FREM2: variants seen among roughly 807,000 people sequenced by gnomAD.
FREM2 encodes FRAS1 related extracellular matrix 2.
Under a neutral mutation model 219.9 loss-of-function variants are expected in FREM2, and 119 were observed. The observed-to-expected ratio is 0.54, with a 90% CI of 0.47 to 0.63. The LOEUF is 0.63. Ranked by LOEUF, FREM2 falls within the 30% of genes least tolerant of loss-of-function variation. The probability of loss-of-function intolerance (pLI) is 0.00; values close to 1 mark genes in which losing one functional copy is unlikely to be tolerated. For missense variants in FREM2, 4,030 were observed against 3,993.6 expected (o/e 1.01, Z -0.25); for synonymous variants, 1,562 against 1,522.8 (o/e 1.03, Z -0.60).
chr13:38,755,844 T>G (rs1453507976), intron 2 of FREM2, among the ~76,000 whole-genome samples: 3 of 152,378 alleles, frequency 2.0e-5, no homozygotes, highest in African/African-American at 7.2e-5. Context: ...ATTCATTCCA[T>G]GCATATCACT....
At chr13:38,849,392 G>T (rs1877286407) in intron 8 of FREM2, among the ~76,000 whole-genome samples, 1 of 152,124 alleles carries the variant, frequency 6.6e-6, no homozygotes, top group Non-Finnish European at 1.5e-5. Flanking sequence ...CCACTTCACA[G>T]CACAAGACAC....
intron 2 of FREM2, among the ~76,000 whole-genome samples, chr13:38,704,505 G>A (rs943357683): frequency 6.6e-6 from 1 of 152,184 alleles, no homozygotes; most frequent in Non-Finnish European, 1.5e-5. Context: ...AAAAGCATGT[G>A]CAAAGGGACT....
Position 38,746,374 on chromosome 13 carries a change from G to A in FREM2, c.5264-17930G>A, listed in dbSNP as rs559372352. On this transcript the variant is annotated intron_variant, in intron 2 of 23. Coordinates refer to ENST00000280481, the MANE Select transcript of FREM2 (RefSeq NM_207361.6). ...CTAGGTGTGTTGAGTGTAAAGTGCAGTAAGGTTCGCTCAAGATTTTGCCAT... is the reference window on the plus strand; with the variant it reads ...CTAGGTGTGTTGAGTGTAAAGTGCAATAAGGTTCGCTCAAGATTTTGCCAT... Among the ~76,000 whole-genome samples, 8 of 152,280 alleles carry A rather than the reference G, an allele frequency of 5.3e-5. No homozygotes were observed. The South Asian group carries it at 1.7e-3, about 32-fold the overall frequency.
intron 2 of FREM2, among the ~76,000 whole-genome samples, chr13:38,701,737 G>A (rs1187723001): frequency 1.3e-5 from 2 of 151,828 alleles, no homozygotes; most frequent in Non-Finnish European, 2.9e-5. Flanking sequence ...TCAACACCAG[G>A]CTCAAATATC....
At chr13:38,798,074 A>G (rs148307800) in intron 6 of FREM2, among the ~76,000 whole-genome samples, 1 of 152,130 alleles carries the variant, frequency 6.6e-6, no homozygotes, top group Non-Finnish European at 1.5e-5. Context: ...AAAGGCTTTC[A>G]GCTTTTTCCT....
At chr13:38,848,964 T>C (rs1877268518) in intron 8 of FREM2, among the ~76,000 whole-genome samples, 1 of 152,096 alleles carries the variant, frequency 6.6e-6, no homozygotes, top group Admixed American at 6.6e-5. Flanking sequence ...CTAAGTCTCT[T>C]TGCATGGTGT....
chr13:38,802,545 A>G (rs890496310), intron 6 of FREM2, among the ~76,000 whole-genome samples: 1 of 152,198 alleles, frequency 6.6e-6, no homozygotes, highest in African/African-American at 2.4e-5. Flanking sequence ...ATTGCACCCC[A>G]GTCCCACAAC....
chr13:38,819,625 T>G (rs1161830631), intron 6 of FREM2, among the ~76,000 whole-genome samples: 1 of 152,152 alleles, frequency 6.6e-6, no homozygotes, highest in Non-Finnish European at 1.5e-5. Context: ...TGTCTTTATT[T>G]TTTAGGGCTT....
chr13:38,773,249 G>GT (rs1873738891), intron 4 of FREM2, among the ~76,000 whole-genome samples: 1 of 152,018 alleles, frequency 6.6e-6, no homozygotes, highest in African/African-American at 2.4e-5. Context: ...TGGATATACT[G>GT]TAATACCTCA....
intron 16 of FREM2, among the ~76,000 whole-genome samples, chr13:38,867,928 G>T (rs1878029635): frequency 6.6e-6 from 1 of 152,194 alleles, no homozygotes; most frequent in South Asian, 2.1e-4. Context: ...TCAAATGCCA[G>T]TCTTTTCTGG....
At chr13:38,867,425 TA>T (rs2137928643) in intron 16 of FREM2, among the ~76,000 whole-genome samples, 1 of 152,394 alleles carries the variant, frequency 6.6e-6, no homozygotes, top group East Asian at 1.9e-4. Context: ...CTAAAATCCT[TA>T]TTGTAAATTA....
Position 38,690,761 on chromosome 13 carries a change from A to G in FREM2, c.3417A>G (p.Lys1139=), listed in dbSNP as rs1394170464. 1.9e-6 allele frequency: 3 copies of G among 1,614,182 alleles called. No individual in the cohort carries two copies. In the Admixed American group the frequency reaches 5.0e-5, roughly 27 times the overall value. Reference sequence around the variant, plus strand: ...TTGCCATAAGTGCTTTCAACTTGAAAGATCTCAGGCAGGGCCACATAAACT... The same window carrying G: ...TTGCCATAAGTGCTTTCAACTTGAAGGATCTCAGGCAGGGCCACATAAACT... ...AGIAISAFNL[K]DLRQGHINYV... is the part of the protein sequence containing the mutation. The change falls in exon 1 of 24, where the codon AAA becomes AAG. Residue 1139 remains lysine, a synonymous_variant. Coordinates refer to ENST00000280481, the MANE Select transcript of FREM2 (RefSeq NM_207361.6).
At chr13:38,736,955 C>T (rs184651858) in intron 2 of FREM2, among the ~76,000 whole-genome samples, 57 of 151,934 alleles carry the variant, frequency 3.8e-4, no homozygotes, top group African/African-American at 1.3e-3. Context: ...GTCTCCCTGG[C>T]TCAAATGTTC....
At chr13:38,820,509 T>C (rs1354206298) in intron 6 of FREM2, among the ~76,000 whole-genome samples, 1 of 152,136 alleles carries the variant, frequency 6.6e-6, no homozygotes, top group African/African-American at 2.4e-5. Context: ...CACATAAATC[T>C]GAGAAGCAGC....
At chr13:38,793,157 A>G (rs1012199280) in intron 6 of FREM2, among the ~76,000 whole-genome samples, 2 of 152,224 alleles carry the variant, frequency 1.3e-5, no homozygotes, top group African/African-American at 4.8e-5. Context: ...GTGTGCCTGC[A>G]CATGGCTAGG....
chr13:38,784,909 A>G (rs1874267211), intron 6 of FREM2, 101 bp downstream of exon 6: 1 of 1,267,724 alleles, frequency 7.9e-7, no homozygotes. Context: ...ATGATAATAT[A>G]CACATTTATT....
chr13:38,774,144 T>C (rs1308155639), intron 4 of FREM2, among the ~76,000 whole-genome samples: 3 of 152,116 alleles, frequency 2.0e-5, no homozygotes, highest in Non-Finnish European at 2.9e-5. Flanking sequence ...TGTGACGTTG[T>C]TTTACTTATC....
chr13:38,691,950 G>A lies in FREM2; in HGVS notation c.4606G>A (p.Val1536Ile). 6.2e-7 allele frequency: 1 copy of A among 1,614,160 alleles called. No homozygotes were observed. The highest frequency in any genetic ancestry group is 1.1e-5 in the South Asian group (1 of 91,086). The part of the protein sequence containing the change: ...ISDVDNKKPV[V>I]TIHKLVVSES... ...CGATGTGGACAATAAAAAGCCAGTG[G>A]TCACCATCCACAAGCTGGTTGTCAG... Residue 1536 changes from valine (V) to isoleucine (I), a missense_variant, in exon 1 of 24, where the codon GTC (valine) becomes ATC (isoleucine). By Grantham distance (29) the Val-to-Ile change is conservative (BLOSUM62 3). Transcript: ENST00000280481.
At chr13:38,824,156 G>A (rs1459112540) in intron 6 of FREM2, among the ~76,000 whole-genome samples, 1 of 152,084 alleles carries the variant, frequency 6.6e-6, no homozygotes, top group Non-Finnish European at 1.5e-5. Flanking sequence ...GATATGTTAT[G>A]ATGATTTTAT....
Sources: allele counts gnomAD v4.1 joint callset (sites outside exome capture counted in the v4.1 genomes callset), GRCh38; gene constraint gnomAD v4.1.1; transcripts MANE v1.5; gene names NCBI Gene and HGNC (gene_info 2026-07-23, HGNC 2026-07-21).